Variants in SBF2 observed in about 807,000 individuals in gnomAD.
SBF2 encodes the protein SET binding factor 2, also known as myotubularin-related protein 13.
SBF2 carries 112 observed loss-of-function variants against 225.2 expected under a neutral mutation model. That is an observed-to-expected ratio of 0.50 (90% CI 0.43 to 0.58). The LOEUF (loss-of-function observed/expected upper bound fraction) is 0.58. Among genes scored for constraint, SBF2 ranks in the 20% least tolerant of loss-of-function variants. The pLI, the probability that SBF2 is intolerant of heterozygous loss-of-function variation, is 0.00. For missense variants in SBF2, 1,996 were observed against 2,206.2 expected (o/e 0.90, Z 1.91); for synonymous variants, 763 against 773.3 (o/e 0.99, Z 0.22).
chr11:9,954,730 AAT>A (rs1024952582), intron 16 of SBF2, among the ~76,000 whole-genome samples: 2 of 152,162 alleles, frequency 1.3e-5, no homozygotes, highest in African/African-American at 4.8e-5. Flanking sequence ...TGTTTCTAGA[AAT>A]ATGATTATTC....
At chr11:10,172,919 T>G (rs1389268219) in intron 2 of SBF2, among the ~76,000 whole-genome samples, 1 of 151,826 alleles carries the variant, frequency 6.6e-6, no homozygotes, top group African/African-American at 2.4e-5. Context: ...CCGCCCACCT[T>G]GGCCTCCCAA....
intron 2 of SBF2, among the ~76,000 whole-genome samples, chr11:10,172,215 G>A (rs555902324): frequency 1.3e-5 from 2 of 151,934 alleles, no homozygotes; most frequent in Non-Finnish European, 2.9e-5. Flanking sequence ...TCTTTAAGAT[G>A]CATCATTAGG....
chr11:10,285,714 G>C (rs1332410294), intron 1 of SBF2, among the ~76,000 whole-genome samples: 3 of 152,162 alleles, frequency 2.0e-5, no homozygotes, highest in African/African-American at 7.2e-5. Flanking sequence ...GCTTGCTCAA[G>C]CCCATTCCCA....
intron 2 of SBF2, among the ~76,000 whole-genome samples, chr11:10,182,431 A>G (rs1956771740): frequency 6.6e-6 from 1 of 152,228 alleles, no homozygotes; most frequent in South Asian, 2.1e-4. Flanking sequence ...CCTAGAGTTC[A>G]GTATTCTTTC....
intron 1 of SBF2, among the ~76,000 whole-genome samples, chr11:10,206,479 A>G (rs1206093413): frequency 2.0e-5 from 3 of 152,066 alleles, no homozygotes; most frequent in African/African-American, 7.2e-5. Flanking sequence ...ACCAAGAACC[A>G]GAAAAGATCA....
At chr11:10,159,181 T>C (rs1955607978) in intron 2 of SBF2, among the ~76,000 whole-genome samples, 1 of 152,212 alleles carries the variant, frequency 6.6e-6, no homozygotes, top group African/African-American at 2.4e-5. Flanking sequence ...ACCTCCAAGC[T>C]GTCCTTGTTT....
rs1217139040 is a variant in SBF2 at position 9,812,564 on chromosome 11, T to C, written c.4123A>G (p.Lys1375Glu). ...IPTDSEVTFL[K>E]ALGDSEWFPQ... ...AACCACTCAGAATCTCCCAGCGCTTTCAGGAAGGTCACTTCTGAGTCAGTA... is the reference window on the plus strand; with the variant it reads ...AACCACTCAGAATCTCCCAGCGCTTCCAGGAAGGTCACTTCTGAGTCAGTA... Residue 1375 changes from lysine to glutamate, a missense_variant, in exon 30 of 40, where the codon AAA (lysine) becomes GAA (glutamate). By Grantham distance (56) the Lys-to-Glu change is moderately conservative. Transcript: ENST00000256190. 1.2e-6 allele frequency: 2 copies of C among 1,614,104 alleles called. No homozygotes were observed. The highest frequency in any genetic ancestry group is 4.5e-5 in the East Asian group (2 of 44,896).
intron 2 of SBF2, among the ~76,000 whole-genome samples, chr11:10,084,546 G>T (rs1687314232): frequency 1.3e-5 from 2 of 152,130 alleles, no homozygotes; most frequent in Admixed American, 1.3e-4. Context: ...ACTAAAAATG[G>T]AACTAGCATT....
At chr11:10,259,871 A>G (rs1192447689) in intron 1 of SBF2, among the ~76,000 whole-genome samples, 1 of 152,190 alleles carries the variant, frequency 6.6e-6, no homozygotes, top group African/African-American at 2.4e-5. Context: ...AAAAGAAAAA[A>G]TAGTAGCTTC....
At chr11:10,125,057 G>A (rs1245315474) in intron 2 of SBF2, among the ~76,000 whole-genome samples, 12 of 145,920 alleles carry the variant, frequency 8.2e-5, no homozygotes, top group African/African-American at 2.5e-4. Flanking sequence ...GCAGTGAGCC[G>A]AGATCTCGCT....
intron 2 of SBF2, among the ~76,000 whole-genome samples, chr11:10,053,931 A>C (rs941166027): frequency 2.6e-5 from 4 of 152,074 alleles, no homozygotes; most frequent in African/African-American, 9.7e-5. Flanking sequence ...CCACCAAAAA[A>C]AAAAAAAGTT....
intron 16 of SBF2, among the ~76,000 whole-genome samples, chr11:9,950,601 C>T (rs1406637374): frequency 6.6e-6 from 1 of 152,184 alleles, no homozygotes; most frequent in Admixed American, 6.5e-5. Flanking sequence ...CTCCTGTCCA[C>T]TGGCACAATA....
intron 1 of SBF2, among the ~76,000 whole-genome samples, chr11:10,291,992 T>C (rs1964188170): frequency 6.6e-6 from 1 of 152,186 alleles, no homozygotes; most frequent in African/African-American, 2.4e-5. Context: ...GGGGGCAGCC[T>C]ACAAAGTGAC....
chr11:10,230,997 C>T (rs1300719454), intron 1 of SBF2, among the ~76,000 whole-genome samples: 1 of 151,954 alleles, frequency 6.6e-6, no homozygotes, highest in African/African-American at 2.4e-5. Context: ...TTCTTGGAGG[C>T]TTTGTTCATT....
At chr11:9,960,025 G>A in intron 16 of SBF2, 1 of 275,428 alleles carries the variant, frequency 3.6e-6, no homozygotes, top group South Asian at 4.0e-5. Flanking sequence ...TTGATAAGTT[G>A]TCTAGGCTGG....
At position 10,294,076 on chromosome 11, in the gene SBF2, C is replaced by G. The variant is rs999898501; in HGVS notation, c.-7G>C. The G allele has an allele frequency of 1.5e-6, 2 of 1,366,690 alleles. No individual in the cohort carries two copies. Among genetic ancestry groups the G allele is most frequent in the African/African-American group, 3.0e-5 (2 of 65,726 alleles). The allele number at this position is 1,366,690 out of a possible 1,614,324, so 84.7% of individuals were successfully genotyped here. A position where few individuals can be genotyped will look rare whatever the true frequency, so the allele number is the denominator to read the frequency against. ...AGTCAGCCAGCCGGGCCATGGCCGC[C>G]GCCGCCGCGCTCGGGAAGCGGGTCC... is the stretch of plus-strand genomic sequence containing the variant. On this transcript the variant is annotated 5_prime_UTR_variant, in exon 1 of 40. Coordinates refer to ENST00000256190, the MANE Select transcript of SBF2 (RefSeq NM_030962.4).
chr11:10,250,230 T>C (rs1960215398), intron 1 of SBF2, among the ~76,000 whole-genome samples: 1 of 152,186 alleles, frequency 6.6e-6, no homozygotes, highest in African/African-American at 2.4e-5. Flanking sequence ...TAAAATTGTT[T>C]AGATATACAA....
chr11:10,177,092 A>G (rs1956499096), intron 2 of SBF2, among the ~76,000 whole-genome samples: 1 of 151,894 alleles, frequency 6.6e-6, no homozygotes, highest in Non-Finnish European at 1.5e-5. Flanking sequence ...GACAAAAACC[A>G]CATGATTATC....
chr11:9,832,938 C>CCT (rs1374247191), intron 26 of SBF2, among the ~76,000 whole-genome samples: 1 of 152,158 alleles, frequency 6.6e-6, no homozygotes, highest in Non-Finnish European at 1.5e-5. Flanking sequence ...CTTTAAAAGG[C>CCT]CTCTGTTGAA....
Sources: gnomAD v4.1 joint callset for allele counts (sites outside exome capture counted in the v4.1 genomes callset) on GRCh38, gnomAD v4.1.1 for gene constraint, MANE v1.5 for transcripts, NCBI Gene and HGNC (gene_info 2026-07-23, HGNC 2026-07-21) for gene names.